Variants in GPR19 observed in about 807,000 individuals in gnomAD.
GPR19 encodes probable G protein-coupled receptor 19.
In GPR19, 14 loss-of-function variants were observed where a neutral mutation model predicts 28.5. That is an observed-to-expected ratio of 0.49 (90% CI 0.32 to 0.77). GPR19 has a LOEUF of 0.77. Among genes scored for constraint, GPR19 ranks in the 30% least tolerant of loss-of-function variants. The pLI, the probability that GPR19 is intolerant of heterozygous loss-of-function variation, is 0.03. For synonymous variants in GPR19, 173 were observed against 184.1 expected, an observed-to-expected ratio of 0.94 and a Z score of 0.49; for missense variants, 409 against 504.1, an observed-to-expected ratio of 0.81 and a Z score of 1.81.
chr12:12,679,279 G>T (rs1234408030), intron 3 of GPR19, among the ~76,000 whole-genome samples: 1 of 151,992 alleles, frequency 6.6e-6, no homozygotes, highest in African/African-American at 2.4e-5. Flanking sequence ...GTAGGTGGAA[G>T]CCAAGGATGC....
At position 12,661,376 on chromosome 12, in the gene GPR19, T is replaced by C; in HGVS notation, c.1073A>G (p.Tyr358Cys). 3.1e-6 allele frequency: 5 copies of C among 1,613,886 alleles called. No homozygotes were observed. Among genetic ancestry groups the C allele is most frequent in the Non-Finnish European group, 4.2e-6 (5 of 1,179,786 alleles). The change falls in exon 4 of 4, where the codon TAT becomes TGT. Residue 358 changes from tyrosine (Y) to cysteine (C), a missense_variant. Transcript: ENST00000651487. The surrounding 1 kb of genome is among the most constrained non-coding windows in gnomAD (Gnocchi z 4.2). ...CATCCTTGAACTTGTTGTGATAGTA[T>C]AGGCATTGCTTCGGTAACATTTCAT... The part of the protein sequence containing the change: ...SSMKCYRSNA[Y>C]TITTSSRMAK...
At chr12:12,691,467 A>G (rs74411234) in intron 2 of GPR19, among the ~76,000 whole-genome samples, 1 of 152,126 alleles carries the variant, frequency 6.6e-6, no homozygotes, top group Non-Finnish European at 1.5e-5. Flanking sequence ...CTCTTTGTGA[A>G]CATCTACTCC....
intron 3 of GPR19, among the ~76,000 whole-genome samples, chr12:12,680,645 C>A (rs868055532): frequency 6.6e-6 from 1 of 151,836 alleles, no homozygotes; most frequent in African/African-American, 2.4e-5. Flanking sequence ...GACCTGGGAC[C>A]GCAGGTGTGT....
chr12:12,669,346 A>T (rs1365759487), intron 3 of GPR19, among the ~76,000 whole-genome samples: 4 of 152,138 alleles, frequency 2.6e-5, no homozygotes, highest in Non-Finnish European at 4.4e-5. Flanking sequence ...ATGAAAGCAG[A>T]ATTCTAGACT....
At chr12:12,685,265 C>CTTTT (rs11412017) in intron 2 of GPR19, among the ~76,000 whole-genome samples, 5 of 140,054 alleles carry the variant, frequency 3.6e-5, no homozygotes, top group South Asian at 2.3e-4. Flanking sequence ...TAAATATGGT[C>CTTTT]TTTTTTTTTT....
chr12:12,676,363 G>A (rs1205964146), intron 3 of GPR19, among the ~76,000 whole-genome samples: 3 of 152,182 alleles, frequency 2.0e-5, no homozygotes, highest in Non-Finnish European at 4.4e-5. Context: ...GTGACAGGTG[G>A]ACATTGTTAT....
chr12:12,678,758 A>T (rs1435174157), intron 3 of GPR19, among the ~76,000 whole-genome samples: 1 of 152,222 alleles, frequency 6.6e-6, no homozygotes, highest in East Asian at 1.9e-4. Context: ...CAGTTTTCCC[A>T]TGAAAAGTAA....
chr12:12,688,359 A>C (rs1451945623), intron 2 of GPR19, among the ~76,000 whole-genome samples: 1 of 151,476 alleles, frequency 6.6e-6, no homozygotes, highest in Non-Finnish European at 1.5e-5. Context: ...TTTTTTTTTT[A>C]ATAAAAAGGC....
the GPR19 span, among the ~76,000 whole-genome samples, chr12:12,712,674 CTAGTT>C: frequency 6.6e-6 from 1 of 152,080 alleles, no homozygotes; most frequent in African/African-American, 2.4e-5. Flanking sequence ...CTTTCTACCT[CTAGTT>C]TATTTATTTG....
chr12:12,675,346 C>T (rs1043531064), intron 3 of GPR19, among the ~76,000 whole-genome samples: 5 of 152,106 alleles, frequency 3.3e-5, no homozygotes, highest in South Asian at 2.1e-4. Context: ...TAATGTTTGC[C>T]ATTGATGTTC....
upstream of GPR19, among the ~76,000 whole-genome samples, chr12:12,698,781 T>A (rs1254943533): frequency 1.3e-5 from 2 of 152,004 alleles, no homozygotes; most frequent in Non-Finnish European, 2.9e-5. Context: ...CGGCTAATTT[T>A]TTGTATTTTT....
chr12:12,711,123 G>A, the GPR19 span, among the ~76,000 whole-genome samples: 26 of 151,916 alleles, frequency 1.7e-4, no homozygotes, highest in East Asian at 1.5e-3. Context: ...GTGAAACCTC[G>A]TCTCTACTGA....
intron 3 of GPR19, among the ~76,000 whole-genome samples, chr12:12,670,646 G>C (rs534890367): frequency 6.9e-6 from 1 of 145,748 alleles, no homozygotes; most frequent in Non-Finnish European, 1.5e-5. Context: ...AAAACACCTA[G>C]TTCTGTGTCT....
chr12:12,697,153 T>TAAAAAAAAAAGAAAAAAAAAAA (rs1946277637), upstream of GPR19, among the ~76,000 whole-genome samples: 1 of 48,846 alleles, frequency 2.0e-5, no homozygotes, highest in African/African-American at 7.5e-5. Flanking sequence ...TGAAGCGAAG[T>TAAAAAAAAAAGAAAAAAAAAAA]AAAAAAAAAA....
upstream of GPR19, among the ~76,000 whole-genome samples, chr12:12,701,069 C>A (rs1193498487): frequency 6.6e-6 from 1 of 152,092 alleles, no homozygotes; most frequent in Non-Finnish European, 1.5e-5. Context: ...AAAATCCGAT[C>A]GAGGATTTTG....
chr12:12,709,552 A>C, the GPR19 span, among the ~76,000 whole-genome samples: 1 of 151,844 alleles, frequency 6.6e-6, no homozygotes, highest in Non-Finnish European at 1.5e-5. Flanking sequence ...GGGATCCTCC[A>C]CCTCCACCTG....
the GPR19 span, among the ~76,000 whole-genome samples, chr12:12,707,989 C>CT: frequency 0.034 from 2,113 of 62,394 alleles, 532 homozygotes; most frequent in Admixed American, 0.057. Context: ...ATTTCCTATT[C>CT]TTTTTTTTTT....
the GPR19 span, chr12:12,703,535 A>G: frequency 1.2e-5 from 5 of 408,840 alleles, no homozygotes; most frequent in East Asian, 6.4e-4. Context: ...GCTCTAGCAC[A>G]TAGTGATTCT....
At chr12:12,667,977 T>C (rs565474195) in intron 3 of GPR19, among the ~76,000 whole-genome samples, 3 of 152,192 alleles carry the variant, frequency 2.0e-5, no homozygotes, top group African/African-American at 2.4e-5. Context: ...AAAGGACATA[T>C]ACTCTTAAGA....
Sources: allele counts gnomAD v4.1 joint callset (sites outside exome capture counted in the v4.1 genomes callset), GRCh38; gene constraint gnomAD v4.1.1; non-coding constraint Gnocchi (gnomAD v3.1); transcripts MANE v1.5; gene names NCBI Gene and HGNC (gene_info 2026-07-23, HGNC 2026-07-21).